Variants in ATXN10 observed in about 807,000 individuals in gnomAD.
The protein encoded by ATXN10 is ataxin 10, also known as ataxin-10.
A neutral mutation model predicts 52.9 loss-of-function variants in ATXN10; 28 were observed. The ratio of observed to expected loss-of-function variants is 0.53; its 90% CI spans 0.39 to 0.73. ATXN10 has a LOEUF of 0.73. Among genes scored for constraint, ATXN10 ranks in the 30% least tolerant of loss-of-function variants. ATXN10 has a pLI of 0.00. For missense variants in ATXN10, 565 were observed against 577.0 expected, an observed-to-expected ratio of 0.98 and a Z score of 0.21; for synonymous variants, 226 against 221.5, an observed-to-expected ratio of 1.02 and a Z score of -0.18.
rs1198892419 is a variant in ATXN10 at position 45,683,752 on chromosome 22, T to A, written c.117-5960T>A. Among the ~76,000 whole-genome samples, 2 of 152,150 alleles carry A rather than the reference T, an allele frequency of 1.3e-5. No homozygotes were observed. The highest frequency in any genetic ancestry group is 4.8e-5 in the African/African-American group (2 of 41,428). ...GTGTAAGTAAGGATCCAATTCAGTT[T>A]TTTTCTTTTTAGATTAACAGTTGTT... is the stretch of plus-strand genomic sequence containing the variant. On this transcript the variant is annotated intron_variant, in intron 1 of 11. Coordinates refer to ENST00000252934, the MANE Select transcript of ATXN10 (RefSeq NM_013236.4). This position sits in a 1 kb window ranked among gnomAD's most constrained non-coding sequence, Gnocchi z 4.8.
intron 4 of ATXN10, 31 bp downstream of exon 4, chr22:45,700,409 T>A: frequency 6.6e-7 from 1 of 1,525,126 alleles, no homozygotes; most frequent in Non-Finnish European, 9.1e-7. Flanking sequence ...TTTTCTAACT[T>A]GTGAGAAGAT....
intron 9 of ATXN10, among the ~76,000 whole-genome samples, chr22:45,747,766 C>T (rs1925789710): frequency 6.6e-6 from 1 of 152,072 alleles, no homozygotes; most frequent in Non-Finnish European, 1.5e-5. Context: ...GCAGTTACAC[C>T]TCCTTGTGGG....
In ATXN10 at chr22:45,735,875, CTT is replaced by C. The variant is rs533718879; in HGVS notation, c.895-2853_895-2852del. Among the ~76,000 whole-genome samples, 22 of 112,876 alleles carry C rather than the reference CTT, an allele frequency of 1.9e-4. No homozygotes were observed. The South Asian group carries it at 6.8e-3, about 35-fold the overall frequency. The allele number at this position is 112,876 out of a possible 152,430, so 74.1% of individuals were successfully genotyped here. On this transcript the variant is annotated intron_variant, in intron 7 of 11. Transcript: ENST00000252934. ...TTTAATTAATATTAGTTTCATAAGACTTTTAAATATCTGGAAGGGCATTTTAC... is the reference window on the plus strand; with the variant it reads ...TTTAATTAATATTAGTTTCATAAGACTTAAATATCTGGAAGGGCATTTTAC...
rs1213704078 is a variant in ATXN10 at position 45,763,619 on chromosome 22, TC to T, written c.1173+23083del. On this transcript the variant is annotated intron_variant, in intron 9 of 11. Coordinates refer to ENST00000252934, the MANE Select transcript of ATXN10 (RefSeq NM_013236.4). The surrounding 1 kb of genome is among the most constrained non-coding windows in gnomAD (Gnocchi z 6.9). ...TCTCTGTCCCTGCTCTTTGGGCCCT[TC>T]CTTTTCCCCAGGTTGGGCTCTTGCC... Among the ~76,000 whole-genome samples the T allele has an allele frequency of 1.3e-5, 2 of 152,216 alleles. No individual in the cohort carries two copies. Among genetic ancestry groups the T allele is most frequent in the Non-Finnish European group, 2.9e-5 (2 of 68,046 alleles).
chr22:45,749,221 C>T (rs1410956748), intron 9 of ATXN10, among the ~76,000 whole-genome samples: 1 of 152,148 alleles, frequency 6.6e-6, no homozygotes, highest in Non-Finnish European at 1.5e-5. Context: ...TAACACCTGC[C>T]GTAACACTGG....
intron 1 of ATXN10, chr22:45,676,929 C>G (rs1248944094): frequency 6.6e-6 from 1 of 152,214 alleles, no homozygotes. Context: ...AGGTGTACAC[C>G]ACCATGCCCA....
chr22:45,818,243 T>C lies in ATXN10; in HGVS notation c.1237+11221T>C, dbSNP rs1928529805. Among the ~76,000 whole-genome samples the C allele has an allele frequency of 6.6e-6, 1 of 152,200 alleles. No homozygotes were observed. The highest frequency in any genetic ancestry group is 6.5e-5 in the Admixed American group (1 of 15,292). ...CACTGGGAGTTTTACAGTGTACGGA[T>C]TGGCAGACAGCCTGGCTTCTTTCCA... On this transcript the variant is annotated intron_variant, in intron 10 of 11. Transcript: ENST00000252934. This position sits in a 1 kb window ranked among gnomAD's most constrained non-coding sequence, Gnocchi z 4.6.
At chr22:45,755,860 A>G (rs1926154882) in intron 9 of ATXN10, among the ~76,000 whole-genome samples, 1 of 152,168 alleles carries the variant, frequency 6.6e-6, no homozygotes, top group African/African-American at 2.4e-5. Context: ...TATTATCCCC[A>G]TCATAGAAAT....
At chr22:45,709,090 C>T (rs900883195) in intron 5 of ATXN10, among the ~76,000 whole-genome samples, 6 of 152,142 alleles carry the variant, frequency 3.9e-5, no homozygotes, top group African/African-American at 1.2e-4. Context: ...TATGCATGTA[C>T]ATTTTATTAT....
In ATXN10 at chr22:45,697,327, G is replaced by A. The variant is rs564003854; in HGVS notation, c.392-2955G>A. On this transcript the variant is annotated intron_variant, in intron 3 of 11. Transcript: ENST00000252934. ...TTTTTGTATTTTTAGTAGAGATGGA[G>A]TTTCACCACATTGGCCAGGCTGGTC... 3.3e-5 allele frequency among the ~76,000 whole-genome samples: 5 copies of A among 152,146 alleles called. No homozygotes were observed. The East Asian group carries it at 5.8e-4, about 18-fold the overall frequency.
chr22:45,797,750 T>G (rs1171888094), intron 9 of ATXN10, among the ~76,000 whole-genome samples: 1 of 152,240 alleles, frequency 6.6e-6, no homozygotes, highest in Non-Finnish European at 1.5e-5. Flanking sequence ...AAAGTCCATG[T>G]AATCAGAAGC....
At chr22:45,815,748 G>A (rs1455770733) in intron 10 of ATXN10, among the ~76,000 whole-genome samples, 2 of 152,132 alleles carry the variant, frequency 1.3e-5, no homozygotes, top group Non-Finnish European at 2.9e-5. Flanking sequence ...TGGGACCAGG[G>A]TGTAAACCCA....
intron 10 of ATXN10, among the ~76,000 whole-genome samples, chr22:45,830,986 A>T (rs1456439435): frequency 1.3e-5 from 2 of 152,218 alleles, no homozygotes; most frequent in African/African-American, 4.8e-5. Context: ...GGATGAGTGG[A>T]TAAACAAAAT....
chr22:45,713,751 C>T (rs1732730173), intron 5 of ATXN10, among the ~76,000 whole-genome samples: 1 of 152,216 alleles, frequency 6.6e-6, no homozygotes, highest in African/African-American at 2.4e-5. Context: ...ACCCCTACTT[C>T]TCCCCACACT....
intron 10 of ATXN10, among the ~76,000 whole-genome samples, chr22:45,831,943 C>G (rs118160686): frequency 0.016 from 2,397 of 152,294 alleles, 30 homozygotes; most frequent in Non-Finnish European, 0.021. Flanking sequence ...GCAAACACCC[C>G]CTTCCGTCAC....
In ATXN10 at chr22:45,795,693, T is replaced by TC. The variant is rs1229683526; in HGVS notation, c.1174-11262dup. Among the ~76,000 whole-genome samples, 1 of 152,150 alleles carries TC rather than the reference T, an allele frequency of 6.6e-6. No individual in the cohort carries two copies. The highest frequency in any genetic ancestry group is 2.4e-5 in the African/African-American group (1 of 41,440). On this transcript the variant is annotated intron_variant, in intron 9 of 11. Transcript: ENST00000252934. This position sits in a 1 kb window ranked among gnomAD's most constrained non-coding sequence, Gnocchi z 4.6. ...TAAGATTTCATGGACATTTATTAGT[T>TC]CCCCAAATTAATACTTTTATAATGT...
chr22:45,820,477 G>C lies in ATXN10; in HGVS notation c.1237+13455G>C, dbSNP rs1928610036. 1.3e-5 allele frequency among the ~76,000 whole-genome samples: 2 copies of C among 152,200 alleles called. No homozygotes were observed. Among genetic ancestry groups the C allele is most frequent in the Admixed American group, 6.5e-5 (1 of 15,290 alleles). The stretch of plus-strand genomic sequence containing the variant: ...CAACTTGGAGGGAATTCAGAGGTCT[G>C]CTTTTCTGCCTGGAGTTGACTGCTT... On this transcript the variant is annotated intron_variant, in intron 10 of 11. Coordinates refer to ENST00000252934, the MANE Select transcript of ATXN10 (RefSeq NM_013236.4). The surrounding 1 kb of genome is among the most constrained non-coding windows in gnomAD (Gnocchi z 4.9).
chr22:45,703,205 C>T (rs188703785), intron 5 of ATXN10, among the ~76,000 whole-genome samples: 33 of 152,178 alleles, frequency 2.2e-4, no homozygotes, highest in Middle Eastern at 3.4e-3. Context: ...GAGGTTGGTG[C>T]GAGCCTTGTA....
intron 7 of ATXN10, among the ~76,000 whole-genome samples, chr22:45,734,028 A>G (rs1925191270): frequency 6.6e-6 from 1 of 152,008 alleles, no homozygotes. Flanking sequence ...GACTCATCAT[A>G]ATTTTTTCAT....
Sources: gnomAD v4.1 joint callset for allele counts (sites outside exome capture counted in the v4.1 genomes callset) on GRCh38, gnomAD v4.1.1 for gene constraint, Gnocchi (gnomAD v3.1) non-coding constraint, MANE v1.5 for transcripts, NCBI Gene and HGNC (gene_info 2026-07-23, HGNC 2026-07-21) for gene names.